Variants in PTK2 observed in about 807,000 individuals in gnomAD.
PTK2 encodes the protein focal adhesion kinase 1.
Under a neutral mutation model 150.1 loss-of-function variants are expected in PTK2, and 45 were observed. That is an observed-to-expected ratio of 0.30 (90% CI 0.24 to 0.38). The LOEUF (loss-of-function observed/expected upper bound fraction) is 0.38. PTK2 is among the 10% of genes least tolerant of loss of function. The pLI is 1.00. For synonymous variants in PTK2, 432 were observed against 449.2 expected, an observed-to-expected ratio of 0.96 and a Z score of 0.48; for missense variants, 919 against 1,307.3, an observed-to-expected ratio of 0.70 and a Z score of 4.58.
intron 5 of PTK2, among the ~76,000 whole-genome samples, chr8:140,849,933 G>T (rs1391076569): frequency 6.6e-6 from 1 of 152,132 alleles, no homozygotes; most frequent in African/African-American, 2.4e-5. Context: ...CTACTAGAAT[G>T]AAGATTAACA....
intron 3 of PTK2, among the ~76,000 whole-genome samples, chr8:140,887,502 A>G (rs1002061303): frequency 6.6e-6 from 1 of 152,370 alleles, no homozygotes; most frequent in African/African-American, 2.4e-5. Context: ...CTGAAGCATG[A>G]TAAAGGCTCT....
intron 2 of PTK2, among the ~76,000 whole-genome samples, chr8:140,908,876 A>G (rs2100162005): frequency 6.6e-6 from 1 of 152,216 alleles, no homozygotes; most frequent in South Asian, 2.1e-4. Flanking sequence ...GAGTATAAGA[A>G]TGCATTCAAT....
chr8:140,991,411 T>C (rs984945690), intron 1 of PTK2, among the ~76,000 whole-genome samples: 21 of 152,310 alleles, frequency 1.4e-4, no homozygotes, highest in Admixed American at 1.1e-3. Context: ...CAATGTAAAA[T>C]TGTTCATTCA....
intron 2 of PTK2, among the ~76,000 whole-genome samples, chr8:140,907,782 A>G (rs991539795): frequency 6.6e-6 from 1 of 151,934 alleles, no homozygotes; most frequent in South Asian, 2.1e-4. Context: ...CACAAATGGC[A>G]CCCACGTTAA....
intron 5 of PTK2, among the ~76,000 whole-genome samples, chr8:140,860,589 C>A (rs142289063): frequency 1.1e-3 from 171 of 152,296 alleles, no homozygotes; most frequent in Middle Eastern, 3.4e-3. Context: ...ATTCTCCTGC[C>A]CCAGCTCCTC....
At chr8:140,680,418 C>T (rs1241771220) in intron 27 of PTK2, among the ~76,000 whole-genome samples, 2 of 152,044 alleles carry the variant, frequency 1.3e-5, no homozygotes, top group African/African-American at 4.8e-5. Flanking sequence ...TTAGTAGAGA[C>T]GGGGTTTTAC....
chr8:140,659,339 T>G (rs1273112083), exon 32 of PTK2: 3 of 686,048 alleles, frequency 4.4e-6, no homozygotes, highest in Admixed American at 3.3e-5. Context: ...TTCAACCAGA[T>G]GGTCATTCAA....
At chr8:140,983,952 C>T (rs2100192394) in intron 1 of PTK2, 1 of 152,214 alleles carries the variant, frequency 6.6e-6, no homozygotes. Flanking sequence ...GTCAGGAGTT[C>T]AAGACCAGCC....
At chr8:140,781,566 A>G (rs1231873609) in intron 14 of PTK2, among the ~76,000 whole-genome samples, 1 of 152,214 alleles carries the variant, frequency 6.6e-6, no homozygotes, top group Non-Finnish European at 1.5e-5. Context: ...AAGAGTTTAT[A>G]AAAACAAAAA....
At chr8:140,853,095 G>A (rs370472050) in intron 5 of PTK2, among the ~76,000 whole-genome samples, 14 of 152,090 alleles carry the variant, frequency 9.2e-5, no homozygotes, top group East Asian at 7.7e-4. Context: ...TCACGTAGGC[G>A]TTGTATGCCT....
At chr8:140,676,666 G>T (rs1439913890) in intron 27 of PTK2, among the ~76,000 whole-genome samples, 7 of 147,354 alleles carry the variant, frequency 4.8e-5, no homozygotes, top group Non-Finnish European at 8.9e-5. Flanking sequence ...AGTGGCTCAC[G>T]CCTGTAATCC....
intron 14 of PTK2, among the ~76,000 whole-genome samples, chr8:140,768,613 ACTTTCCT>A (rs1488303042): frequency 2.0e-5 from 3 of 152,182 alleles, no homozygotes; most frequent in African/African-American, 7.2e-5. Context: ...TCTGATTATC[ACTTTCCT>A]CACCTGCAAA....
At chr8:140,722,337 C>A (rs905922467) in intron 22 of PTK2, among the ~76,000 whole-genome samples, 14 of 152,104 alleles carry the variant, frequency 9.2e-5, no homozygotes, top group African/African-American at 3.4e-4. Flanking sequence ...TTCAGTGGCA[C>A]GATCATTCCT....
At chr8:140,682,728 T>C (rs1008054742) in intron 27 of PTK2, among the ~76,000 whole-genome samples, 1 of 151,362 alleles carries the variant, frequency 6.6e-6, no homozygotes, top group African/African-American at 2.4e-5. Flanking sequence ...TTCAAAACCA[T>C]ATGATTACGT....
At chr8:140,839,010 A>C (rs531768305) in intron 7 of PTK2, among the ~76,000 whole-genome samples, 2 of 151,852 alleles carry the variant, frequency 1.3e-5, no homozygotes, top group Admixed American at 6.6e-5. Context: ...GTCTCAAAAA[A>C]AAAAACAAAA....
At chr8:140,901,822 G>A (rs1261087117) in intron 2 of PTK2, among the ~76,000 whole-genome samples, 5 of 151,768 alleles carry the variant, frequency 3.3e-5, no homozygotes, top group Admixed American at 2.6e-4. Flanking sequence ...ACAATCCTGC[G>A]ACAGGCCCCG....
chr8:140,671,759 CA>C (rs35706231), intron 29 of PTK2, among the ~76,000 whole-genome samples: 38,378 of 94,068 alleles, frequency 0.41, 6,176 homozygotes, highest in Middle Eastern at 0.54. Context: ...TAAAAATACC[CA>C]AAAAAAAAAA....
chr8:140,747,596 AGAAG>A (rs2100059937), intron 17 of PTK2, among the ~76,000 whole-genome samples: 1 of 73,750 alleles, frequency 1.4e-5, no homozygotes, highest in Admixed American at 1.3e-4. Flanking sequence ...GAGGAGGAGG[AGAAG>A]GAAGGGGAGG....
chr8:140,989,211 C>G (rs1472418023), intron 1 of PTK2, among the ~76,000 whole-genome samples: 1 of 19,222 alleles, frequency 5.2e-5, no homozygotes, highest in African/African-American at 1.4e-4. Context: ...GACCCTGTCT[C>G]TAAAAAAAAA....
Sources: allele counts gnomAD v4.1 joint callset (sites outside exome capture counted in the v4.1 genomes callset), GRCh38; gene constraint gnomAD v4.1.1; transcripts MANE v1.5; gene names NCBI Gene and HGNC (gene_info 2026-07-23, HGNC 2026-07-21).